The following GSAP variants were observed in gnomAD, a reference collection of about 807,000 sequenced individuals.
GSAP encodes gamma-secretase activating protein, also known as gamma-secretase-activating protein.
Under a neutral mutation model 131.7 loss-of-function variants are expected in GSAP, and 118 were observed. The observed-to-expected ratio is 0.90, with a 90% CI of 0.77 to 1.04. GSAP has a LOEUF of 1.04. Ranked by LOEUF, GSAP falls within the 50% of genes least tolerant of loss-of-function variation. The pLI is 0.00. For synonymous variants in GSAP, 381 were observed against 363.4 expected (o/e 1.05, Z -0.55); for missense variants, 1,019 against 1,013.2 (o/e 1.01, Z -0.08).
rs778103944 is a variant in GSAP, at chr7:77,355,482, A to G, written c.1121-52T>C. 3.4e-5 allele frequency: 52 copies of G among 1,513,292 alleles called. No homozygotes were observed. The South Asian group carries it at 5.0e-4, about 15-fold the overall frequency. 93.7% of individuals were successfully genotyped at this position (1,513,292 alleles called of 1,614,324 possible). ...TCAGCAAATAGAAGAAACTCCTTTC[A>G]CCCAAACATAGATATTAAAGTCAAA... On this transcript the variant is annotated intron_variant, in intron 15 of 30. Coordinates refer to ENST00000257626, the MANE Select transcript of GSAP (RefSeq NM_017439.4).
intron 12 of GSAP, among the ~76,000 whole-genome samples, chr7:77,373,837 AAAT>A (rs1415119360): frequency 6.6e-6 from 1 of 152,226 alleles, no homozygotes; most frequent in African/African-American, 2.4e-5. Flanking sequence ...AGAACCATAC[AAAT>A]AATAACTACT....
At chr7:77,317,351 G>T (rs1786983552) in intron 26 of GSAP, among the ~76,000 whole-genome samples, 1 of 131,610 alleles carries the variant, frequency 7.6e-6, no homozygotes, top group South Asian at 2.4e-4. Flanking sequence ...GGGTTGGGGG[G>T]GAACATCACA....
intron 3 of GSAP, among the ~76,000 whole-genome samples, 185 bp downstream of exon 3, chr7:77,404,374 G>C (rs932349241): frequency 6.6e-6 from 1 of 152,050 alleles, no homozygotes; most frequent in Non-Finnish European, 1.5e-5. Flanking sequence ...ACCTTTCTTA[G>C]TTCTTTGGAC....
At chr7:77,398,675 G>A (rs897334458) in intron 3 of GSAP, among the ~76,000 whole-genome samples, 7 of 152,186 alleles carry the variant, frequency 4.6e-5, no homozygotes, top group African/African-American at 1.2e-4. Context: ...GGCTGAGATA[G>A]GAGGATTACT....
rs373696495 is a variant in GSAP, at chr7:77,326,196, C to T, written c.1827+16G>A. 55 of 1,595,494 alleles carry T rather than the reference C, an allele frequency of 3.4e-5. No homozygotes were observed. In the African/African-American group the frequency reaches 7.0e-4, roughly 20 times the overall value. On this transcript the variant is annotated intron_variant, in intron 23 of 30. Coordinates refer to ENST00000257626, the MANE Select transcript of GSAP (RefSeq NM_017439.4). ...TCCTTGTTTGCCAGCCCCTAAAGAA[C>T]CCACGTACCACTTACCAGCCCCATG...
intron 19 of GSAP, among the ~76,000 whole-genome samples, chr7:77,343,830 A>G (rs1315192640): frequency 6.6e-6 from 1 of 152,206 alleles, no homozygotes; most frequent in Non-Finnish European, 1.5e-5. Context: ...CATATAGGTT[A>G]TAAGCCGCTA....
At position 77,394,705 on chromosome 7, in the gene GSAP, T is replaced by C. The variant is rs768024446; in HGVS notation, c.367+2277A>G. Reference sequence around the variant, plus strand: ...AAGCTGCTTGGAGTACACCTCACAATTACCCACTTTAGAGATGGAAAGGAA... The same window carrying C: ...AAGCTGCTTGGAGTACACCTCACAACTACCCACTTTAGAGATGGAAAGGAA... On this transcript the variant is annotated intron_variant, in intron 5 of 30. Coordinates refer to ENST00000257626, the MANE Select transcript of GSAP (RefSeq NM_017439.4). Among the ~76,000 whole-genome samples the C allele has an allele frequency of 3.7e-4, 56 of 152,232 alleles. 1 individual carries two copies. Among genetic ancestry groups the C allele is most frequent in the Non-Finnish European group, 1.6e-4 (11 of 68,038 alleles).
chr7:77,382,426 C>T, intron 7 of GSAP, 148 bp downstream of exon 7: 1 of 521,834 alleles, frequency 1.9e-6, no homozygotes, highest in African/African-American at 1.9e-5. Context: ...AAGCCCTTCC[C>T]AAGGAATTCC....
At chr7:77,313,421 G>T in intron 28 of GSAP, 67 bp downstream of exon 28, 1 of 804,314 alleles carries the variant, frequency 1.2e-6, no homozygotes. Flanking sequence ...TGCTCTTTTT[G>T]CAAGAAGAAA....
At chr7:77,390,944 T>C (rs749061056) in intron 5 of GSAP, among the ~76,000 whole-genome samples, 13 of 32,410 alleles carry the variant, frequency 4.0e-4, no homozygotes, top group Non-Finnish European at 6.6e-4. Context: ...CGAGACTCCG[T>C]CTAAAAAAAA....
intron 5 of GSAP, among the ~76,000 whole-genome samples, chr7:77,389,516 G>C (rs544637431): frequency 7.4e-6 from 1 of 134,600 alleles, no homozygotes; most frequent in African/African-American, 2.8e-5. Flanking sequence ...TCCCACCTAT[G>C]AGTGAGAACA....
chr7:77,392,813 G>A (rs931777402), intron 5 of GSAP, among the ~76,000 whole-genome samples: 9 of 152,188 alleles, frequency 5.9e-5, no homozygotes, highest in African/African-American at 2.2e-4. Flanking sequence ...CAGCTTCACA[G>A]AGCATCTGTG....
At chr7:77,377,513 C>T in intron 8 of GSAP, 123 bp from the exon 9 acceptor site, 1 of 1,207,502 alleles carries the variant, frequency 8.3e-7, no homozygotes, top group Non-Finnish European at 1.1e-6. Flanking sequence ...TTCCACAGTT[C>T]ACTGTTAGAA....
At chr7:77,351,661 T>C in intron 18 of GSAP, 1 of 985,858 alleles carries the variant, frequency 1.0e-6, no homozygotes, top group East Asian at 1.1e-4. Context: ...CCTGTGCGTG[T>C]CCACAATAGC....
At chr7:77,324,468 T>C (rs115055734) in intron 23 of GSAP, among the ~76,000 whole-genome samples, 1,915 of 152,256 alleles carry the variant, frequency 0.013, 36 homozygotes, top group African/African-American at 0.044. Context: ...TTTGTGCCAA[T>C]AAACAGCCCA....
intron 14 of GSAP, among the ~76,000 whole-genome samples, chr7:77,359,478 TA>T (rs1563023265): frequency 6.6e-6 from 1 of 152,156 alleles, no homozygotes; most frequent in African/African-American, 2.4e-5. Context: ...TTCTTTAATA[TA>T]TTAATCAATA....
intron 28 of GSAP, among the ~76,000 whole-genome samples, 168 bp from the exon 29 acceptor site, chr7:77,312,370 C>T (rs555805958): frequency 6.6e-6 from 1 of 152,270 alleles, no homozygotes; most frequent in African/African-American, 2.4e-5. Context: ...TATGAAGTTT[C>T]TATGAGGGAG....
Position 77,360,876 on chromosome 7 carries a change from A to G in GSAP, c.975T>C (p.Ser325=), listed in dbSNP as rs768686763. The part of the protein sequence containing the change: ...HKGHSKTFTT[S]LENVGSHMTK... The stretch of plus-strand genomic sequence containing the variant: ...TCATGTGTGACCCAACATTCTCAAG[A>G]GAAGTGGTGAAGGTCTTGCTGTGTC... Residue 325 remains serine (S), a synonymous_variant, in exon 14 of 31, where the codon TCT becomes TCC. Transcript: ENST00000257626. 4.2e-5 allele frequency: 68 copies of G among 1,603,488 alleles called. No individual in the cohort carries two copies. The highest frequency in any genetic ancestry group is 1.3e-5 in the African/African-American group (1 of 74,552).
At chr7:77,328,836 G>A (rs1788683689) in intron 21 of GSAP, among the ~76,000 whole-genome samples, 199 bp from the exon 22 acceptor site, 1 of 152,142 alleles carries the variant, frequency 6.6e-6, no homozygotes, top group Admixed American at 6.5e-5. Flanking sequence ...AAACCCTTTA[G>A]TGCCAACAAC....
Sources: gnomAD v4.1 joint callset for allele counts (sites outside exome capture counted in the v4.1 genomes callset) on GRCh38, gnomAD v4.1.1 for gene constraint, MANE v1.5 for transcripts, NCBI Gene and HGNC (gene_info 2026-07-23, HGNC 2026-07-21) for gene names.